Variants in ST6GALNAC3 observed in about 807,000 individuals in gnomAD.
The protein encoded by ST6GALNAC3 is alpha-N-acetylgalactosaminide alpha-2,6-sialyltransferase 3.
A neutral mutation model predicts 32.7 loss-of-function variants in ST6GALNAC3; 25 were observed. The ratio of observed to expected loss-of-function variants is 0.76; its 90% CI spans 0.56 to 1.07. The LOEUF (loss-of-function observed/expected upper bound fraction) is 1.07. Ranked by LOEUF, ST6GALNAC3 falls within the 50% of genes least tolerant of loss-of-function variation. The pLI is 0.00. For missense variants in ST6GALNAC3, 355 were observed against 382.4 expected (o/e 0.93, Z 0.60); for synonymous variants, 129 against 133.1 (o/e 0.97, Z 0.21).
At chr1:76,434,503 T>C (rs1040576534) in intron 3 of ST6GALNAC3, among the ~76,000 whole-genome samples, 4 of 152,250 alleles carry the variant, frequency 2.6e-5, no homozygotes, top group Non-Finnish European at 4.4e-5. Flanking sequence ...AGAAGTAACA[T>C]TGAAATTTCC....
chr1:76,076,598 G>A (rs1646819531), intron 1 of ST6GALNAC3, among the ~76,000 whole-genome samples: 1 of 152,102 alleles, frequency 6.6e-6, no homozygotes, highest in African/African-American at 2.4e-5. Context: ...ATAAGATAGG[G>A]TATGAAAAAT....
intron 2 of ST6GALNAC3, among the ~76,000 whole-genome samples, chr1:76,361,773 G>A (rs1002523383): frequency 6.6e-6 from 1 of 152,026 alleles, no homozygotes; most frequent in East Asian, 1.9e-4. Flanking sequence ...GAGGTCAGGG[G>A]TTTGAGACCA....
At chr1:76,504,222 G>A (rs975869737) in intron 3 of ST6GALNAC3, among the ~76,000 whole-genome samples, 2 of 152,072 alleles carry the variant, frequency 1.3e-5, no homozygotes, top group African/African-American at 4.8e-5. Context: ...GGCATTCCTT[G>A]GCATAAAGCA....
At chr1:76,198,228 G>T (rs1451008976) in intron 1 of ST6GALNAC3, among the ~76,000 whole-genome samples, 1 of 152,070 alleles carries the variant, frequency 6.6e-6, no homozygotes, top group Non-Finnish European at 1.5e-5. Context: ...TAGATATGAA[G>T]TCTTGCTATG....
At chr1:76,115,087 A>G (rs1442975048) in intron 1 of ST6GALNAC3, among the ~76,000 whole-genome samples, 1 of 152,166 alleles carries the variant, frequency 6.6e-6, no homozygotes, top group African/African-American at 2.4e-5. Flanking sequence ...AAATACTGGC[A>G]TGGTGTGTAT....
chr1:76,446,878 G>A (rs1353694201), intron 3 of ST6GALNAC3, among the ~76,000 whole-genome samples: 1 of 152,018 alleles, frequency 6.6e-6, no homozygotes, highest in Non-Finnish European at 1.5e-5. Flanking sequence ...CCTTTTTCCT[G>A]TATAAATTAC....
intron 1 of ST6GALNAC3, among the ~76,000 whole-genome samples, chr1:76,209,956 C>T (rs943881620): frequency 2.6e-5 from 4 of 152,182 alleles, no homozygotes; most frequent in African/African-American, 7.2e-5. Flanking sequence ...ATAACGTTGT[C>T]TCCAGGGGCT....
At position 76,509,747 on chromosome 1, in the gene ST6GALNAC3, G is replaced by A. The variant is rs748963908; in HGVS notation, c.623+97330G>A. Among the ~76,000 whole-genome samples, 2 of 152,032 alleles carry A rather than the reference G, an allele frequency of 1.3e-5. No individual in the cohort carries two copies. The highest frequency in any genetic ancestry group is 6.6e-5 in the Admixed American group (1 of 15,258). ...AAATGCAAGACTGCCTACATCCTTGGCTCACGGCCCCACTCCACCAATTTC... is the reference window on the plus strand; with the variant it reads ...AAATGCAAGACTGCCTACATCCTTGACTCACGGCCCCACTCCACCAATTTC... On this transcript the variant is annotated intron_variant, in intron 3 of 4. Transcript: ENST00000328299. This position sits in a 1 kb window ranked among gnomAD's most constrained non-coding sequence, Gnocchi z 5.5.
At chr1:76,323,162 G>C (rs527724005) in intron 2 of ST6GALNAC3, among the ~76,000 whole-genome samples, 1 of 152,098 alleles carries the variant, frequency 6.6e-6, no homozygotes, top group Non-Finnish European at 1.5e-5. Context: ...TTAGATAAGG[G>C]ATTGCAGGCC....
chr1:76,608,398 G>A (rs1233428100), intron 3 of ST6GALNAC3, among the ~76,000 whole-genome samples: 1 of 152,120 alleles, frequency 6.6e-6, no homozygotes, highest in East Asian at 1.9e-4. Flanking sequence ...TCTAACGGGA[G>A]GAGAAAGACA....
chr1:76,077,225 G>A (rs906623389), intron 1 of ST6GALNAC3, among the ~76,000 whole-genome samples: 3 of 151,200 alleles, frequency 2.0e-5, no homozygotes, highest in South Asian at 2.1e-4. Context: ...TAACCATTGC[G>A]TTACAGGGTT....
At chr1:76,539,418 A>T (rs1663842344) in intron 3 of ST6GALNAC3, among the ~76,000 whole-genome samples, 1 of 152,248 alleles carries the variant, frequency 6.6e-6, no homozygotes, top group Admixed American at 6.5e-5. Flanking sequence ...AAACCTTAGA[A>T]GAAAACCTAG....
chr1:76,444,403 A>G (rs1656826687), intron 3 of ST6GALNAC3, among the ~76,000 whole-genome samples: 1 of 152,202 alleles, frequency 6.6e-6, no homozygotes, highest in Non-Finnish European at 1.5e-5. Context: ...TGGACCTGAC[A>G]CTGTGCTAGC....
At chr1:76,180,448 C>T (rs746815940) in intron 1 of ST6GALNAC3, among the ~76,000 whole-genome samples, 3 of 152,042 alleles carry the variant, frequency 2.0e-5, no homozygotes, top group Non-Finnish European at 2.9e-5. Flanking sequence ...TGGAAGAGGG[C>T]GGTTCCCTTA....
chr1:76,196,330 A>G (rs1654200159), intron 1 of ST6GALNAC3, among the ~76,000 whole-genome samples: 1 of 152,184 alleles, frequency 6.6e-6, no homozygotes, highest in East Asian at 1.9e-4. Context: ...CATTTTTATC[A>G]GGTTCCTGGG....
At chr1:76,235,755 A>T (rs1024555729) in intron 1 of ST6GALNAC3, among the ~76,000 whole-genome samples, 21 of 144,484 alleles carry the variant, frequency 1.5e-4, no homozygotes, top group Non-Finnish European at 6.1e-5. Flanking sequence ...ACAATTCTAC[A>T]GACTAGGCAT....
chr1:76,469,348 C>T (rs1296369925), intron 3 of ST6GALNAC3, among the ~76,000 whole-genome samples: 2 of 152,006 alleles, frequency 1.3e-5, no homozygotes, highest in Non-Finnish European at 2.9e-5. Flanking sequence ...GCTCCAGGAC[C>T]TAGCACAATG....
intron 2 of ST6GALNAC3, among the ~76,000 whole-genome samples, chr1:76,362,947 C>A (rs1650082885): frequency 6.6e-6 from 1 of 152,326 alleles, no homozygotes; most frequent in African/African-American, 2.4e-5. Flanking sequence ...CTTCTCACAG[C>A]TCCTCTAGGC....
chr1:76,132,739 GCT>G (rs1649692937), intron 1 of ST6GALNAC3, among the ~76,000 whole-genome samples: 1 of 152,086 alleles, frequency 6.6e-6, no homozygotes, highest in South Asian at 2.1e-4. Flanking sequence ...CCACCACCTC[GCT>G]CATTGTCATC....
Sources: gnomAD v4.1 joint callset for allele counts (sites outside exome capture counted in the v4.1 genomes callset) on GRCh38, gnomAD v4.1.1 for gene constraint, Gnocchi (gnomAD v3.1) non-coding constraint, MANE v1.5 for transcripts, NCBI Gene and HGNC (gene_info 2026-07-23, HGNC 2026-07-21) for gene names.